CELF2: variants seen among roughly 807,000 people sequenced by gnomAD.
CELF2 encodes the protein CUGBP Elav-like family member 2.
Under a neutral mutation model 62.6 loss-of-function variants are expected in CELF2, and 8 were observed. That is an observed-to-expected ratio of 0.13 (90% confidence interval 0.07 to 0.23). The LOEUF (loss-of-function observed/expected upper bound fraction) is 0.23. Among genes scored for constraint, CELF2 ranks in the 10% least tolerant of loss-of-function variants. The pLI is 1.00. For synonymous variants in CELF2, 258 were observed against 250.0 expected (o/e 1.03, Z -0.30); for missense variants, 333 against 671.0 (o/e 0.50, Z 5.56).
chr10:11,074,695 A>G (rs2071314538), intron 1 of CELF2, among the ~76,000 whole-genome samples: 1 of 152,174 alleles, frequency 6.6e-6, no homozygotes, highest in Non-Finnish European at 1.5e-5. Context: ...CAAAAAATAC[A>G]ACCAGTGCAG....
chr10:10,782,017 T>C, the CELF2 span, among the ~76,000 whole-genome samples: 2 of 152,154 alleles, frequency 1.3e-5, no homozygotes, highest in Non-Finnish European at 2.9e-5. Flanking sequence ...TTTTAAGTAA[T>C]TGAGAGATGA....
At chr10:10,606,491 A>T in the CELF2 span, among the ~76,000 whole-genome samples, 1 of 152,170 alleles carries the variant, frequency 6.6e-6, no homozygotes, top group Non-Finnish European at 1.5e-5. Flanking sequence ...CTTACTAGTG[A>T]TAAACTGAGG....
the CELF2 span, among the ~76,000 whole-genome samples, chr10:10,510,219 A>G: frequency 6.6e-6 from 1 of 152,176 alleles, no homozygotes; most frequent in Non-Finnish European, 1.5e-5. Flanking sequence ...CCTCCTATTC[A>G]CAAACCTGTA....
At chr10:10,762,565 G>A in the CELF2 span, among the ~76,000 whole-genome samples, 51 of 152,202 alleles carry the variant, frequency 3.4e-4, no homozygotes, top group East Asian at 2.1e-3. Flanking sequence ...ACTAACGCTC[G>A]GGAACTGAGA....
At chr10:11,130,265 A>G (rs545278218) in intron 1 of CELF2, among the ~76,000 whole-genome samples, 5 of 152,178 alleles carry the variant, frequency 3.3e-5, no homozygotes, top group East Asian at 1.9e-4. Flanking sequence ...TGTTTAAACC[A>G]TTCATTCAGC....
chr10:10,683,063 A>T, the CELF2 span, among the ~76,000 whole-genome samples: 1 of 152,218 alleles, frequency 6.6e-6, no homozygotes, highest in Non-Finnish European at 1.5e-5. Context: ...GTATCAAAAT[A>T]GCACCCAAAT....
chr10:10,792,997 A>G, the CELF2 span, among the ~76,000 whole-genome samples: 1 of 152,238 alleles, frequency 6.6e-6, no homozygotes, highest in Admixed American at 6.5e-5. Flanking sequence ...AAATGAAAAA[A>G]GCATTCCTTC....
intron 8 of CELF2, among the ~76,000 whole-genome samples, chr10:11,282,306 G>A (rs931499198): frequency 6.6e-6 from 1 of 152,218 alleles, no homozygotes; most frequent in Non-Finnish European, 1.5e-5. Flanking sequence ...CCGTGGGTAG[G>A]CCAGGCTGGC....
At chr10:10,766,306 C>T in the CELF2 span, among the ~76,000 whole-genome samples, 641 of 152,216 alleles carry the variant, frequency 4.2e-3, 4 homozygotes, top group African/African-American at 9.6e-3. Flanking sequence ...ATGAGGCACA[C>T]GGAATAATGA....
At chr10:10,642,782 A>G in the CELF2 span, among the ~76,000 whole-genome samples, 5 of 152,354 alleles carry the variant, frequency 3.3e-5, no homozygotes, top group South Asian at 2.1e-4. Flanking sequence ...CTTTTTCCCA[A>G]TGGATCTGTG....
At chr10:10,811,780 G>A (rs543503710) in intron 1 of CELF2, among the ~76,000 whole-genome samples, 2 of 152,130 alleles carry the variant, frequency 1.3e-5, no homozygotes, top group Non-Finnish European at 2.9e-5. Flanking sequence ...TAGAAACTAC[G>A]TCTTCAAATG....
chr10:11,056,975 T>G (rs1359834513), intron 1 of CELF2, among the ~76,000 whole-genome samples: 1 of 151,716 alleles, frequency 6.6e-6, no homozygotes, highest in Non-Finnish European at 1.5e-5. Context: ...GAGGGGTGAG[T>G]AAGAACCGCT....
At chr10:11,326,395 T>C (rs561845118) in intron 12 of CELF2, among the ~76,000 whole-genome samples, 1 of 152,380 alleles carries the variant, frequency 6.6e-6, no homozygotes, top group Admixed American at 6.5e-5. Context: ...TTCAGGCTGC[T>C]TGCGTGATCG....
intron 1 of CELF2, among the ~76,000 whole-genome samples, chr10:11,126,316 A>G (rs944841203): frequency 1.3e-5 from 2 of 152,116 alleles, no homozygotes; most frequent in Non-Finnish European, 2.9e-5. Flanking sequence ...ATGTCTACTC[A>G]CATTTCAGGG....
rs546566669 is a variant in CELF2, at chr10:11,312,878, G to A, written c.977-1261G>A. 1.4e-4 allele frequency among the ~76,000 whole-genome samples: 21 copies of A among 152,304 alleles called. No individual in the cohort carries two copies. The South Asian group carries it at 4.4e-3, about 32-fold the overall frequency. On this transcript the variant is annotated intron_variant, in intron 9 of 12. Transcript: ENST00000633077. Reference sequence around the variant, plus strand: ...GAACCTGGGAGGCAGGGGTTGCAGTGGGCCAAGATCATGCCACTGCACTCC... The same window carrying A: ...GAACCTGGGAGGCAGGGGTTGCAGTAGGCCAAGATCATGCCACTGCACTCC...
chr10:11,000,485 C>T (rs1368198366), upstream of CELF2, among the ~76,000 whole-genome samples: 1 of 152,160 alleles, frequency 6.6e-6, no homozygotes, highest in Non-Finnish European at 1.5e-5. Flanking sequence ...TAGTCTTGCT[C>T]ATTAATCATT....
At chr10:10,782,243 A>G in the CELF2 span, among the ~76,000 whole-genome samples, 1 of 152,216 alleles carries the variant, frequency 6.6e-6, no homozygotes, top group African/African-American at 2.4e-5. Context: ...GCCAGCAGTG[A>G]ACTGGCAACC....
chr10:10,936,726 G>C lies in CELF2; in HGVS notation c.89+16727G>C, dbSNP rs2046433250. The C allele has an allele frequency of 6.6e-6, 1 of 152,210 alleles. No homozygotes were observed. The highest frequency in any genetic ancestry group is 6.5e-5 in the Admixed American group (1 of 15,278). 9.4% of individuals were successfully genotyped at this position (152,210 alleles called of 1,614,324 possible). A position where few individuals can be genotyped will look rare whatever the true frequency, so the allele number is the denominator to read the frequency against. Reference sequence around the variant, plus strand: ...TAACCTTGTTCTGGTGCTGAAACAAGCAAAAGCAAAGTGCTGAAACAAGTG... The same window carrying C: ...TAACCTTGTTCTGGTGCTGAAACAACCAAAAGCAAAGTGCTGAAACAAGTG... On this transcript the variant is annotated intron_variant, in intron 2 of 13. Transcript: ENST00000636488. This position sits in a 1 kb window ranked among gnomAD's most constrained non-coding sequence, Gnocchi z 4.0.
chr10:10,712,467 T>G, the CELF2 span, among the ~76,000 whole-genome samples: 2 of 152,198 alleles, frequency 1.3e-5, no homozygotes, highest in African/African-American at 2.4e-5. Context: ...TAATGGACCC[T>G]CTTTTTTTTA....
Sources: gnomAD v4.1 joint callset for allele counts (sites outside exome capture counted in the v4.1 genomes callset) on GRCh38, gnomAD v4.1.1 for gene constraint, Gnocchi (gnomAD v3.1) non-coding constraint, MANE v1.5 for transcripts, NCBI Gene and HGNC (gene_info 2026-07-23, HGNC 2026-07-21) for gene names.